QSER1: variants seen among roughly 807,000 people sequenced by gnomAD.
The protein encoded by QSER1 is glutamine and serine rich 1, also known as glutamine and serine-rich protein 1.
In QSER1, 49 loss-of-function variants were observed where a neutral mutation model predicts 158.5. That is an observed-to-expected ratio of 0.31 (90% CI 0.25 to 0.39). The LOEUF is 0.39. Ranked by LOEUF, QSER1 falls within the 10% of genes least tolerant of loss-of-function variation. The pLI is 1.00. For missense variants in QSER1, 1,754 were observed against 2,010.3 expected, an observed-to-expected ratio of 0.87 and a Z score of 2.44; for synonymous variants, 650 against 715.5, an observed-to-expected ratio of 0.91 and a Z score of 1.46.
chr11:32,930,319 A>G (rs191905219), intron 3 of QSER1, among the ~76,000 whole-genome samples: 3 of 152,304 alleles, frequency 2.0e-5, no homozygotes, highest in East Asian at 1.9e-4. Context: ...TCAAAAGTCT[A>G]TTCTAGTTCA....
intron 10 of QSER1, among the ~76,000 whole-genome samples, chr11:32,970,940 A>C (rs552924154): frequency 2.2e-5 from 3 of 136,186 alleles, no homozygotes; most frequent in African/African-American, 8.2e-5. Flanking sequence ...CATATAAAGC[A>C]ATTTGCTTTT....
At chr11:32,956,745 T>C (rs988598106) in intron 7 of QSER1, among the ~76,000 whole-genome samples, 1 of 152,298 alleles carries the variant, frequency 6.6e-6, no homozygotes, top group African/African-American at 2.4e-5. Context: ...TGATGGAATT[T>C]TATCCACTCA....
intron 3 of QSER1, 54 bp downstream of exon 3, chr11:32,928,177 AT>A (rs1019904696): frequency 4.7e-6 from 5 of 1,058,630 alleles, no homozygotes; most frequent in Admixed American, 1.7e-5. Flanking sequence ...GATGAAACAT[AT>A]ACATTTGATG....
chr11:32,966,540 A>G (rs928954225), intron 9 of QSER1, 103 bp downstream of exon 9: 1 of 1,009,862 alleles, frequency 9.9e-7, no homozygotes, highest in Non-Finnish European at 1.4e-6. Flanking sequence ...TGTAATATAT[A>G]CCTATAAATT....
intron 8 of QSER1, among the ~76,000 whole-genome samples, chr11:32,965,672 C>T (rs894167141): frequency 1.3e-5 from 2 of 151,988 alleles, no homozygotes; most frequent in East Asian, 1.9e-4. Flanking sequence ...AAGGGCCAAG[C>T]GTGGTGGCTC....
At chr11:32,904,824 A>G (rs908794984) in intron 1 of QSER1, among the ~76,000 whole-genome samples, 4 of 151,954 alleles carry the variant, frequency 2.6e-5, no homozygotes, top group African/African-American at 9.7e-5. Context: ...CACCCCCATC[A>G]CCATCAACCC....
intron 1 of QSER1, among the ~76,000 whole-genome samples, chr11:32,911,155 T>C (rs1012348926): frequency 1.3e-4 from 20 of 152,332 alleles, no homozygotes; most frequent in African/African-American, 4.8e-4. Context: ...AGTTAAACTT[T>C]CTTATTCTTC....
At chr11:32,952,425 G>A (rs1238067000) in intron 4 of QSER1, among the ~76,000 whole-genome samples, 1 of 152,092 alleles carries the variant, frequency 6.6e-6, no homozygotes, top group Non-Finnish European at 1.5e-5. Flanking sequence ...TTGATTTTCA[G>A]GTGTTAAATT....
chr11:32,913,828 T>C (rs1359398068), intron 1 of QSER1, among the ~76,000 whole-genome samples: 1 of 152,222 alleles, frequency 6.6e-6, no homozygotes, highest in Non-Finnish European at 1.5e-5. Context: ...GTCTAACTAA[T>C]TGTCTGTGTG....
rs538876752 is a variant in QSER1, at chr11:32,898,349, G to A, written c.209+5015G>A. 6.6e-5 allele frequency among the ~76,000 whole-genome samples: 10 copies of A among 152,260 alleles called. No individual in the cohort carries two copies. The South Asian group carries it at 2.1e-3, about 32-fold the overall frequency. ...TAAATAGAAAAAATTAGCCGTGCAT[G>A]GTGGCGTGCGCCTGTGGTCCCAGCT... On this transcript the variant is annotated intron_variant, in intron 1 of 12. Coordinates refer to ENST00000650167, the MANE Select transcript of QSER1 (RefSeq NM_001076786.3).
chr11:32,932,905 A>C lies in QSER1; in HGVS notation c.1647A>C (p.Val549=), dbSNP rs1214268253. 2 of 1,614,026 alleles carry C rather than the reference A, an allele frequency of 1.2e-6. No homozygotes were observed. The highest frequency in any genetic ancestry group is 2.7e-5 in the African/African-American group (2 of 75,056). The change falls in exon 4 of 13, where the codon GTA becomes GTC. Residue 549 remains valine (V), a synonymous_variant. Coordinates refer to ENST00000650167, the MANE Select transcript of QSER1 (RefSeq NM_001076786.3). ...YPAQTRDLSS[V]SQSQSYSSGH... ...CTCAAACAAGAGATCTGTCTTCAGT[A>C]AGTCAGTCTCAAAGTTACTCATCTG...
At chr11:32,943,479 C>T (rs1590172446) in intron 4 of QSER1, among the ~76,000 whole-genome samples, 1 of 151,806 alleles carries the variant, frequency 6.6e-6, no homozygotes, top group Admixed American at 6.6e-5. Flanking sequence ...TTTTCTGCAT[C>T]TATTGAGATA....
chr11:32,966,568 C>T (rs1852753367), intron 9 of QSER1, 131 bp downstream of exon 9: 1 of 703,640 alleles, frequency 1.4e-6, no homozygotes, highest in South Asian at 3.6e-5. Context: ...AAATATATAG[C>T]ATCTTAATTC....
intron 4 of QSER1, among the ~76,000 whole-genome samples, chr11:32,950,299 G>A (rs1852401491): frequency 6.6e-6 from 1 of 152,036 alleles, no homozygotes; most frequent in African/African-American, 2.4e-5. Flanking sequence ...TTACCATGCT[G>A]GCCAGGCTGG....
chr11:32,931,029 G>C (rs1262385190), intron 3 of QSER1, among the ~76,000 whole-genome samples: 1 of 151,914 alleles, frequency 6.6e-6, no homozygotes, highest in East Asian at 1.9e-4. Context: ...AGAAACTGCA[G>C]TTCACTGTTT....
chr11:32,948,927 C>T (rs771968574), intron 4 of QSER1, among the ~76,000 whole-genome samples: 2 of 151,898 alleles, frequency 1.3e-5, no homozygotes, highest in Non-Finnish European at 2.9e-5. Flanking sequence ...CTTTTCTTTT[C>T]CTGGTTACAA....
At chr11:32,944,792 G>C (rs1852301222) in intron 4 of QSER1, among the ~76,000 whole-genome samples, 2 of 141,732 alleles carry the variant, frequency 1.4e-5, no homozygotes, top group South Asian at 4.9e-4. Context: ...GGGTATCCTT[G>C]TTGACTTTCT....
intron 9 of QSER1, among the ~76,000 whole-genome samples, chr11:32,967,106 C>T (rs966628812): frequency 5.9e-5 from 9 of 151,908 alleles, no homozygotes; most frequent in African/African-American, 1.9e-4. Context: ...GCCCATCAGC[C>T]GATGAGTGAA....
At chr11:32,962,383 G>A (rs1395831840) in intron 8 of QSER1, among the ~76,000 whole-genome samples, 6 of 152,084 alleles carry the variant, frequency 3.9e-5, no homozygotes, top group Admixed American at 3.9e-4. Context: ...TTGTTAAGTT[G>A]TAGGAGTTTT....
Sources: gnomAD v4.1 joint callset for allele counts (sites outside exome capture counted in the v4.1 genomes callset) on GRCh38, gnomAD v4.1.1 for gene constraint, MANE v1.5 for transcripts, NCBI Gene and HGNC (gene_info 2026-07-23, HGNC 2026-07-21) for gene names.